Variants in BRINP1 observed in about 807,000 individuals in gnomAD.
The protein encoded by BRINP1 is BMP/retinoic acid-inducible neural-specific protein 1.
Under a neutral mutation model 72.9 loss-of-function variants are expected in BRINP1, and 17 were observed. The observed-to-expected ratio is 0.23, with a 90% CI of 0.16 to 0.35. BRINP1 has a LOEUF of 0.35. Among genes scored for constraint, BRINP1 ranks in the 10% least tolerant of loss-of-function variants. BRINP1 has a pLI of 1.00. For missense variants in BRINP1, 850 were observed against 1,001.6 expected (o/e 0.85, Z 2.04); for synonymous variants, 418 against 378.5 (o/e 1.10, Z -1.21).
chr9:119,343,642 C>A (rs1831424973), intron 1 of BRINP1, among the ~76,000 whole-genome samples: 1 of 152,056 alleles, frequency 6.6e-6, no homozygotes. Flanking sequence ...GTTTCCTAAT[C>A]AGGTCAGTAA....
chr9:119,166,881 A>C lies in BRINP1; in HGVS notation c.*203T>G. ...TGAGACCCTTCTTCATGACAGAGTGAGTATAGAAATAACAAACATGCCCAA... is the reference window on the plus strand; with the variant it reads ...TGAGACCCTTCTTCATGACAGAGTGCGTATAGAAATAACAAACATGCCCAA... On this transcript the variant is annotated 3_prime_UTR_variant, in exon 8 of 8. Transcript: ENST00000265922. 1 of 571,648 alleles carries C rather than the reference A, an allele frequency of 1.7e-6. No homozygotes were observed. Among genetic ancestry groups the C allele is most frequent in the South Asian group, 2.3e-5 (1 of 43,764 alleles). The allele number at this position is 571,648 out of a possible 1,614,324, so 35.4% of individuals were successfully genotyped here.
intron 7 of BRINP1, among the ~76,000 whole-genome samples, chr9:119,190,693 A>G (rs1829674556): frequency 6.6e-6 from 1 of 152,000 alleles, no homozygotes; most frequent in Non-Finnish European, 1.5e-5. Context: ...CCAGGACCAG[A>G]TGGCTTCATG....
At chr9:119,180,517 TAAA>T (rs1280820403) in intron 7 of BRINP1, among the ~76,000 whole-genome samples, 1 of 144,178 alleles carries the variant, frequency 6.9e-6, no homozygotes, top group Non-Finnish European at 1.5e-5. Flanking sequence ...GTGTGTGTGT[TAAA>T]GAAGTGGTAT....
chr9:119,178,282 A>G (rs988071103), intron 7 of BRINP1, among the ~76,000 whole-genome samples: 3 of 152,158 alleles, frequency 2.0e-5, no homozygotes, highest in Non-Finnish European at 4.4e-5. Flanking sequence ...CTCCCTTTCT[A>G]GAGAGGCCAA....
At chr9:119,208,570 C>T (rs1015106608) in intron 7 of BRINP1, 149 bp downstream of exon 7, 10 of 703,390 alleles carry the variant, frequency 1.4e-5, no homozygotes, top group South Asian at 3.6e-5. Flanking sequence ...GACCCAGAGG[C>T]AATCCAGAAA....
At chr9:119,208,048 G>GTA (rs1441410409) in intron 7 of BRINP1, among the ~76,000 whole-genome samples, 2 of 152,154 alleles carry the variant, frequency 1.3e-5, no homozygotes, top group African/African-American at 4.8e-5. Flanking sequence ...CCCTGAGAGA[G>GTA]TAGTAAACCC....
At chr9:119,307,581 C>T (rs1831011884) in intron 2 of BRINP1, among the ~76,000 whole-genome samples, 1 of 152,172 alleles carries the variant, frequency 6.6e-6, no homozygotes, top group Admixed American at 6.5e-5. Flanking sequence ...AAAGCAAAAG[C>T]TTAACAAGAA....
intron 2 of BRINP1, among the ~76,000 whole-genome samples, chr9:119,276,474 C>T (rs1830659074): frequency 6.6e-6 from 1 of 152,136 alleles, no homozygotes; most frequent in South Asian, 2.1e-4. Context: ...ACAAAATCTC[C>T]TTATAGAACC....
At chr9:119,317,944 T>C (rs1831142450) in intron 1 of BRINP1, among the ~76,000 whole-genome samples, 1 of 152,260 alleles carries the variant, frequency 6.6e-6, no homozygotes, top group Non-Finnish European at 1.5e-5. Flanking sequence ...GGCTACAGGA[T>C]ACTGTAAACA....
chr9:119,355,593 G>A (rs1316295017), intron 1 of BRINP1, among the ~76,000 whole-genome samples: 4 of 151,980 alleles, frequency 2.6e-5, no homozygotes, highest in Non-Finnish European at 2.9e-5. Flanking sequence ...GCCGGGCGTG[G>A]TGGTGGGTGC....
Position 119,248,947 on chromosome 9 carries a change from G to T in BRINP1, c.409+13C>A, listed in dbSNP as rs761564941. Reference sequence around the variant, plus strand: ...GTCATGAGAAGGCTCTGGCCCAGTGGCTGCTGACCTACCTCCCAATGTGGC... The same window carrying T: ...GTCATGAGAAGGCTCTGGCCCAGTGTCTGCTGACCTACCTCCCAATGTGGC... On this transcript the variant is annotated intron_variant, in intron 3 of 7. Transcript: ENST00000265922. 1.2e-6 allele frequency: 2 copies of T among 1,605,554 alleles called. No individual in the cohort carries two copies. The highest frequency in any genetic ancestry group is 3.4e-5 in the Admixed American group (2 of 59,700).
intron 5 of BRINP1, among the ~76,000 whole-genome samples, chr9:119,225,241 G>A (rs1242901316): frequency 6.6e-6 from 1 of 152,004 alleles, no homozygotes; most frequent in East Asian, 1.9e-4. Flanking sequence ...CTACAACATA[G>A]ATGAACCTTG....
intron 2 of BRINP1, among the ~76,000 whole-genome samples, chr9:119,297,955 T>G (rs1315661803): frequency 2.0e-5 from 3 of 152,230 alleles, no homozygotes. Context: ...GGTGCCCCAG[T>G]GCCTTTTCGT....
chr9:119,175,131 A>G (rs1829469818), intron 7 of BRINP1, among the ~76,000 whole-genome samples: 1 of 149,058 alleles, frequency 6.7e-6, no homozygotes, highest in Non-Finnish European at 1.5e-5. Flanking sequence ...AAAAAAAAAA[A>G]AGACAAAAAA....
intron 2 of BRINP1, among the ~76,000 whole-genome samples, chr9:119,286,026 A>G (rs1230130588): frequency 6.6e-6 from 1 of 152,130 alleles, no homozygotes; most frequent in Non-Finnish European, 1.5e-5. Context: ...CATCTTCAAA[A>G]TCATCATTGC....
In BRINP1 at chr9:119,353,118, T is replaced by C. The variant is rs555543905; in HGVS notation, c.-51+15938A>G. On this transcript the variant is annotated intron_variant, in intron 1 of 7. Coordinates refer to ENST00000265922, the MANE Select transcript of BRINP1 (RefSeq NM_014618.3). ...CCTAAAGATTCAGAACATCTATTGATAGAATTTCGGTACCACCGAGGCAAG... is the reference window on the plus strand; with the variant it reads ...CCTAAAGATTCAGAACATCTATTGACAGAATTTCGGTACCACCGAGGCAAG... Among the ~76,000 whole-genome samples the C allele has an allele frequency of 8.5e-5, 13 of 152,270 alleles. No homozygotes were observed. In the East Asian group the frequency reaches 2.5e-3, roughly 29 times the overall value.
intron 6 of BRINP1, among the ~76,000 whole-genome samples, chr9:119,213,383 G>C (rs962931402): frequency 6.6e-6 from 1 of 152,180 alleles, no homozygotes; most frequent in African/African-American, 2.4e-5. Context: ...TCATTTTTCT[G>C]AACTATGAAA....
At chr9:119,351,886 G>C (rs139217321) in intron 1 of BRINP1, among the ~76,000 whole-genome samples, 2,031 of 151,232 alleles carry the variant, frequency 0.013, 33 homozygotes, top group South Asian at 0.085. Context: ...ACATAATCTT[G>C]GCTCACTGAA....
intron 4 of BRINP1, among the ~76,000 whole-genome samples, chr9:119,241,489 A>G (rs1330673545): frequency 6.6e-6 from 1 of 152,230 alleles, no homozygotes; most frequent in Non-Finnish European, 1.5e-5. Context: ...GGTCTTGTAC[A>G]GAAAACTTTT....
Sources: gnomAD v4.1 joint callset for allele counts (sites outside exome capture counted in the v4.1 genomes callset) on GRCh38, gnomAD v4.1.1 for gene constraint, MANE v1.5 for transcripts, NCBI Gene and HGNC (gene_info 2026-07-23, HGNC 2026-07-21) for gene names.